Variants in CEP112 observed in about 807,000 individuals in gnomAD.
CEP112 encodes centrosomal protein 112.
In CEP112, 127 loss-of-function variants were observed where a neutral mutation model predicts 153.0. That is an observed-to-expected ratio of 0.83 (90% confidence interval 0.72 to 0.96). CEP112 has a LOEUF of 0.96. Ranked by LOEUF, CEP112 falls within the 40% of genes least tolerant of loss-of-function variation. The pLI is 0.00. For synonymous variants in CEP112, 358 were observed against 374.4 expected, an observed-to-expected ratio of 0.96 and a Z score of 0.51; for missense variants, 1,089 against 1,101.2, an observed-to-expected ratio of 0.99 and a Z score of 0.16.
chr17:65,964,963 C>T (rs2062356826), intron 17 of CEP112, among the ~76,000 whole-genome samples: 1 of 152,118 alleles, frequency 6.6e-6, no homozygotes, highest in African/African-American at 2.4e-5. Context: ...AATTATGGAA[C>T]ATTAAATAGC....
intron 20 of CEP112, among the ~76,000 whole-genome samples, chr17:65,890,670 C>G (rs951202328): frequency 6.6e-5 from 10 of 152,142 alleles, no homozygotes; most frequent in African/African-American, 1.9e-4. Flanking sequence ...CAGTTACATA[C>G]CTGGTGGACA....
intron 17 of CEP112, among the ~76,000 whole-genome samples, chr17:65,994,396 T>C (rs1309341431): frequency 1.3e-5 from 2 of 152,182 alleles, no homozygotes; most frequent in African/African-American, 2.4e-5. Context: ...GGCGTGGTCA[T>C]AGCTCACTGC....
intron 21 of CEP112, among the ~76,000 whole-genome samples, chr17:65,840,520 C>T (rs1253868275): frequency 6.6e-6 from 1 of 151,996 alleles, no homozygotes; most frequent in Non-Finnish European, 1.5e-5. Context: ...GGATTGAAGA[C>T]TTAAATGTAA....
intron 6 of CEP112, among the ~76,000 whole-genome samples, chr17:66,103,882 CAGAA>C (rs2068669057): frequency 6.6e-6 from 1 of 152,176 alleles, no homozygotes; most frequent in Admixed American, 6.5e-5. Context: ...CCTGTCACAG[CAGAA>C]AGAAACAGCA....
intron 22 of CEP112, among the ~76,000 whole-genome samples, chr17:65,748,348 T>C (rs572044402): frequency 1.3e-5 from 2 of 152,328 alleles, no homozygotes; most frequent in African/African-American, 2.4e-5. Flanking sequence ...TTGTTACTAG[T>C]TGCTTTTTCC....
At chr17:65,928,250 A>G (rs80280693) in intron 18 of CEP112, among the ~76,000 whole-genome samples, 21 of 152,320 alleles carry the variant, frequency 1.4e-4, no homozygotes, top group Non-Finnish European at 2.9e-4. Context: ...CCCAAAGAAT[A>G]GCAATAATAA....
chr17:65,969,398 A>G (rs2062547972), intron 17 of CEP112, among the ~76,000 whole-genome samples: 2 of 152,188 alleles, frequency 1.3e-5, no homozygotes, highest in African/African-American at 2.4e-5. Flanking sequence ...AATACATACC[A>G]CATGCATATC....
At chr17:65,889,209 T>C (rs1297535667) in intron 20 of CEP112, among the ~76,000 whole-genome samples, 3 of 151,968 alleles carry the variant, frequency 2.0e-5, no homozygotes, top group Non-Finnish European at 4.4e-5. Flanking sequence ...ATGGCCCGAG[T>C]TGCTTCCTTC....
chr17:65,689,824 AT>A (rs2048007132), intron 23 of CEP112, among the ~76,000 whole-genome samples: 1 of 152,176 alleles, frequency 6.6e-6, no homozygotes, highest in Admixed American at 6.5e-5. Context: ...ACAAAGACCA[AT>A]AATTACCACT....
At chr17:65,957,094 T>C (rs1010049857) in intron 18 of CEP112, among the ~76,000 whole-genome samples, 3 of 152,206 alleles carry the variant, frequency 2.0e-5, no homozygotes, top group Non-Finnish European at 4.4e-5. Flanking sequence ...TTATGAATTC[T>C]TTATTTCTGG....
At chr17:65,798,855 T>G (rs933407194) in intron 21 of CEP112, among the ~76,000 whole-genome samples, 13 of 152,316 alleles carry the variant, frequency 8.5e-5, no homozygotes, top group Middle Eastern at 6.8e-3. Flanking sequence ...AAATTCTACA[T>G]GAAAATGCAT....
chr17:65,892,091 G>C (rs2059487663), intron 20 of CEP112, among the ~76,000 whole-genome samples: 1 of 152,088 alleles, frequency 6.6e-6, no homozygotes, highest in Non-Finnish European at 1.5e-5. Context: ...TCTTGCACTG[G>C]GTACAGGAAT....
At chr17:66,019,615 T>C (rs1327708659) in intron 16 of CEP112, among the ~76,000 whole-genome samples, 1 of 152,248 alleles carries the variant, frequency 6.6e-6, no homozygotes, top group African/African-American at 2.4e-5. Flanking sequence ...CAATGATGGC[T>C]ATTTTTCTTT....
intron 21 of CEP112, among the ~76,000 whole-genome samples, chr17:65,769,619 T>C (rs2053216234): frequency 6.6e-6 from 1 of 151,972 alleles, no homozygotes; most frequent in Admixed American, 6.6e-5. Flanking sequence ...CAAACATATA[T>C]GGCCAACTAA....
At chr17:65,935,702 A>G (rs1239381576) in intron 18 of CEP112, among the ~76,000 whole-genome samples, 2 of 152,148 alleles carry the variant, frequency 1.3e-5, no homozygotes, top group African/African-American at 4.8e-5. Flanking sequence ...TTAAAAAAAA[A>G]CTTGAGACAA....
chr17:65,858,708 A>C (rs1412155831), intron 20 of CEP112, among the ~76,000 whole-genome samples: 1 of 152,192 alleles, frequency 6.6e-6, no homozygotes, highest in African/African-American at 2.4e-5. Flanking sequence ...TAACCGTTTA[A>C]AAATAAATGG....
chr17:66,140,708 T>C (rs898638092), intron 4 of CEP112, among the ~76,000 whole-genome samples: 1 of 152,192 alleles, frequency 6.6e-6, no homozygotes, highest in Non-Finnish European at 1.5e-5. Context: ...AATGGTGCAA[T>C]CTTGGCTCAC....
chr17:66,015,782 A>G (rs1428437523), intron 16 of CEP112, among the ~76,000 whole-genome samples: 1 of 152,202 alleles, frequency 6.6e-6, no homozygotes, highest in Non-Finnish European at 1.5e-5. Context: ...CTTTAAAATT[A>G]CATACACAGA....
chr17:65,825,469 G>C (rs927055455), intron 21 of CEP112, among the ~76,000 whole-genome samples: 1 of 152,136 alleles, frequency 6.6e-6, no homozygotes. Context: ...CAGCCCAGGG[G>C]CTGGGGACCC....
Sources: gnomAD v4.1 joint callset for allele counts (sites outside exome capture counted in the v4.1 genomes callset) on GRCh38, gnomAD v4.1.1 for gene constraint, MANE v1.5 for transcripts, NCBI Gene and HGNC (gene_info 2026-07-23, HGNC 2026-07-21) for gene names.